Variants in SAMD5 observed in about 807,000 individuals in gnomAD.
SAMD5 encodes the protein sterile alpha motif domain containing 5.
SAMD5 carries 13 observed loss-of-function variants against 11.3 expected under a neutral mutation model. The ratio of observed to expected loss-of-function variants is 1.15; its 90% CI spans 0.75 to 1.83. The LOEUF (loss-of-function observed/expected upper bound fraction) is 1.83. Among genes scored for constraint, SAMD5 ranks in the 40% most tolerant of loss-of-function variants. The pLI is 0.00. For missense variants in SAMD5, 255 were observed against 239.1 expected (o/e 1.07, Z -0.44); for synonymous variants, 129 against 111.3 (o/e 1.16, Z -1.00).
intron 1 of SAMD5, among the ~76,000 whole-genome samples, chr6:147,512,492 A>G (rs960910313): frequency 6.6e-6 from 1 of 152,230 alleles, no homozygotes; most frequent in Non-Finnish European, 1.5e-5. Flanking sequence ...GTAGGATTTG[A>G]TCCAGTAATG....
the SAMD5 span, among the ~76,000 whole-genome samples, chr6:147,850,092 T>C: frequency 6.6e-6 from 1 of 152,234 alleles, no homozygotes; most frequent in East Asian, 1.9e-4. Context: ...TTTATTTTTA[T>C]ATAAAAATTC....
chr6:147,641,710 T>C (rs1418787490), intron 1 of SAMD5, among the ~76,000 whole-genome samples: 1 of 152,152 alleles, frequency 6.6e-6, no homozygotes, highest in African/African-American at 2.4e-5. Context: ...ATGGTTAACA[T>C]CCAGCGGTCT....
chr6:147,705,536 T>A (rs1329605643), intron 1 of SAMD5, among the ~76,000 whole-genome samples: 1 of 152,230 alleles, frequency 6.6e-6, no homozygotes, highest in Non-Finnish European at 1.5e-5. Flanking sequence ...TCTGAAAGAT[T>A]AAAGCAAAAT....
rs774387491 is a variant in SAMD5 at position 147,508,905 on chromosome 6, G to C, written c.-24G>C. The C allele has an allele frequency of 1.9e-6, 3 of 1,584,374 alleles. No homozygotes were observed. Among genetic ancestry groups the C allele is most frequent in the South Asian group, 1.1e-5 (1 of 87,142 alleles). On this transcript the variant is annotated 5_prime_UTR_variant, in exon 1 of 2. Transcript: ENST00000367474. ...CCATTTGGGCGCTGGGAAGGTGCTCGGCGGCGGGGTTCCCGGTCCCACCAT... is the reference window on the plus strand; with the variant it reads ...CCATTTGGGCGCTGGGAAGGTGCTCCGCGGCGGGGTTCCCGGTCCCACCAT...
Position 147,640,653 on chromosome 6 carries a change from T to C in SAMD5, c.163-96664T>C, listed in dbSNP as rs534324649. On this transcript the variant is annotated intron_variant, in intron 1 of 1. Transcript: ENST00000566741. The stretch of plus-strand genomic sequence containing the variant: ...AGGACATATTATTAACTTCAACATT[T>C]ACCCAAATAAACCAGTCCCATCCCA... Among the ~76,000 whole-genome samples the C allele has an allele frequency of 6.7e-4, 102 of 152,280 alleles. 1 individual carries two copies. The highest frequency in any genetic ancestry group is 2.4e-3 in the African/African-American group (98 of 41,560).
At chr6:147,735,508 T>C (rs1791787108) in intron 1 of SAMD5, among the ~76,000 whole-genome samples, 1 of 152,184 alleles carries the variant, frequency 6.6e-6, no homozygotes, top group Admixed American at 6.5e-5. Context: ...AGGGAAAGGA[T>C]CTGTAATCAA....
chr6:147,920,980 C>T, the SAMD5 span, among the ~76,000 whole-genome samples: 1 of 152,158 alleles, frequency 6.6e-6, no homozygotes, highest in Non-Finnish European at 1.5e-5. Context: ...AAACACAAAA[C>T]ATTCTTAAAA....
chr6:147,626,791 GAAAA>G lies in SAMD5; in HGVS notation c.163-110503_163-110500del, dbSNP rs529975933. Among the ~76,000 whole-genome samples, 158 of 54,724 alleles carry G rather than the reference GAAAA, an allele frequency of 2.9e-3. 1 individual carries two copies. The highest frequency in any genetic ancestry group is 4.4e-3 in the African/African-American group (83 of 18,654). 35.9% of individuals were successfully genotyped at this position (54,724 alleles called of 152,430 possible). On this transcript the variant is annotated intron_variant, in intron 1 of 1. Transcript: ENST00000566741. Reference sequence around the variant, plus strand: ...CAACATAACGAGACACTGTTTCTATGAAAAAAAAAAAAAAAAAAAAAAAAAAGAA... The same window carrying G: ...CAACATAACGAGACACTGTTTCTATGAAAAAAAAAAAAAAAAAAAAAAGAA...
chr6:147,879,689 G>GA, the SAMD5 span, among the ~76,000 whole-genome samples: 17 of 152,124 alleles, frequency 1.1e-4, no homozygotes, highest in East Asian at 3.3e-3. Flanking sequence ...TGGGGGATTG[G>GA]TTTTTTTTAA....
the SAMD5 span, among the ~76,000 whole-genome samples, chr6:147,817,591 C>A: frequency 6.6e-6 from 1 of 152,214 alleles, no homozygotes; most frequent in African/African-American, 2.4e-5. Flanking sequence ...AGACGCTTCG[C>A]TTTATTAAAC....
At chr6:147,803,569 G>A in the SAMD5 span, among the ~76,000 whole-genome samples, 11,960 of 152,176 alleles carry the variant, frequency 0.079, 712 homozygotes, top group African/African-American at 0.16. Context: ...TTAAAATGAA[G>A]GTAATCTTAG....
chr6:147,913,782 A>C, the SAMD5 span, among the ~76,000 whole-genome samples: 1 of 152,224 alleles, frequency 6.6e-6, no homozygotes, highest in African/African-American at 2.4e-5. Flanking sequence ...TATTTATGTG[A>C]ACTATCTCTT....
chr6:147,690,270 A>T (rs1791081861), intron 1 of SAMD5, among the ~76,000 whole-genome samples: 2 of 152,232 alleles, frequency 1.3e-5, no homozygotes, highest in African/African-American at 4.8e-5. Flanking sequence ...TTACTTTTTT[A>T]AAAATAGAAA....
intron 1 of SAMD5, among the ~76,000 whole-genome samples, chr6:147,704,960 C>T (rs1176493346): frequency 6.6e-6 from 1 of 152,138 alleles, no homozygotes; most frequent in Non-Finnish European, 1.5e-5. Context: ...ATTTTGTCAC[C>T]AGTAACTATG....
chr6:147,887,203 G>A, the SAMD5 span, among the ~76,000 whole-genome samples: 1,079 of 152,228 alleles, frequency 7.1e-3, 13 homozygotes, highest in African/African-American at 0.025. Flanking sequence ...ACAATGAACT[G>A]TTCAAAGTGT....
the SAMD5 span, among the ~76,000 whole-genome samples, chr6:147,824,747 A>G: frequency 7.9e-5 from 12 of 152,196 alleles, no homozygotes; most frequent in African/African-American, 2.9e-4. Context: ...ACATACAATA[A>G]TTTTGTGAAA....
At chr6:147,891,573 C>G in the SAMD5 span, among the ~76,000 whole-genome samples, 1 of 151,968 alleles carries the variant, frequency 6.6e-6, no homozygotes, top group Admixed American at 6.6e-5. Flanking sequence ...GAAGCAATTC[C>G]ATTTGAGGAT....
intron 1 of SAMD5, among the ~76,000 whole-genome samples, chr6:147,682,050 C>T (rs554132881): frequency 6.6e-6 from 1 of 152,292 alleles, no homozygotes; most frequent in East Asian, 1.9e-4. Flanking sequence ...TCATTCTGTG[C>T]ATGTCATCCC....
chr6:147,570,910 CT>C (rs1238459866), downstream of SAMD5, among the ~76,000 whole-genome samples: 1 of 152,182 alleles, frequency 6.6e-6, no homozygotes, highest in Admixed American at 6.5e-5. Flanking sequence ...GATTGGCGTT[CT>C]TCCACATCCT....
Sources: allele counts gnomAD v4.1 joint callset (sites outside exome capture counted in the v4.1 genomes callset), GRCh38; gene constraint gnomAD v4.1.1; transcripts MANE v1.5; gene names NCBI Gene and HGNC (gene_info 2026-07-23, HGNC 2026-07-21).